The following LARGE1 variants were observed in gnomAD, a reference collection of about 807,000 sequenced individuals.
LARGE1 encodes the protein LARGE xylosyl- and glucuronyltransferase 1.
LARGE1 carries 43 observed loss-of-function variants against 87.6 expected under a neutral mutation model. The ratio of observed to expected loss-of-function variants is 0.49; its 90% confidence interval spans 0.38 to 0.63. The LOEUF (loss-of-function observed/expected upper bound fraction) is 0.63. LARGE1 is among the 30% of genes least tolerant of loss of function. LARGE1 has a pLI of 0.00. For synonymous variants in LARGE1, 434 were observed against 394.6 expected (o/e 1.10, Z -1.18); for missense variants, 802 against 1,000.2 (o/e 0.80, Z 2.67).
downstream of LARGE1, among the ~76,000 whole-genome samples, chr22:33,269,577 T>G (rs2145775525): frequency 6.6e-6 from 1 of 152,342 alleles, no homozygotes. Flanking sequence ...AAAGCTTTGC[T>G]CTCAGTGAGC....
chr22:33,791,420 T>C (rs1016614590), intron 1 of LARGE1, among the ~76,000 whole-genome samples: 6 of 152,180 alleles, frequency 3.9e-5, no homozygotes, highest in Admixed American at 3.9e-4. Context: ...GGGAACTGAG[T>C]CATATTACAA....
intron 6 of LARGE1, among the ~76,000 whole-genome samples, chr22:33,471,831 T>TAGACCAGCCTGGCCAAG (rs909117866): frequency 1.3e-5 from 2 of 152,114 alleles, no homozygotes; most frequent in African/African-American, 2.4e-5. Flanking sequence ...TCAGGAGTTC[T>TAGACCAGCCTGGCCAAG]AGACCAGCCT....
chr22:33,431,801 C>A (rs569428960), intron 7 of LARGE1, among the ~76,000 whole-genome samples: 9 of 152,134 alleles, frequency 5.9e-5, no homozygotes, highest in Admixed American at 6.6e-5. Flanking sequence ...AAGTACATAT[C>A]CGTTGTGTTA....
intron 2 of LARGE1, among the ~76,000 whole-genome samples, chr22:33,735,840 C>G (rs2083636657): frequency 6.6e-6 from 1 of 152,182 alleles, no homozygotes; most frequent in African/African-American, 2.4e-5. Context: ...TACTTTCTAT[C>G]TCTATGGACT....
At chr22:33,806,211 G>A (rs2086304848) in intron 1 of LARGE1, among the ~76,000 whole-genome samples, 2 of 152,086 alleles carry the variant, frequency 1.3e-5, no homozygotes, top group Admixed American at 6.6e-5. Context: ...TCTTGTATCT[G>A]ACTTCTTTCT....
chr22:33,103,163 T>C, the LARGE1 span, among the ~76,000 whole-genome samples: 3 of 151,922 alleles, frequency 2.0e-5, no homozygotes, highest in African/African-American at 7.2e-5. Flanking sequence ...GCCGGGTGCG[T>C]TGGCTCACGC....
At chr22:33,782,735 C>T (rs888898196) in intron 1 of LARGE1, among the ~76,000 whole-genome samples, 2 of 151,664 alleles carry the variant, frequency 1.3e-5, no homozygotes, top group South Asian at 4.2e-4. Context: ...CGTGGTGGTG[C>T]GTGCCTGTAA....
At chr22:33,318,773 G>A (rs1219315302) in intron 10 of LARGE1, among the ~76,000 whole-genome samples, 1 of 151,252 alleles carries the variant, frequency 6.6e-6, no homozygotes, top group East Asian at 1.9e-4. Context: ...TTTGCCAAAG[G>A]TCACAGGAGG....
chr22:33,535,910 C>A (rs922728470), intron 6 of LARGE1, among the ~76,000 whole-genome samples: 3 of 152,192 alleles, frequency 2.0e-5, no homozygotes, highest in Non-Finnish European at 4.4e-5. Context: ...GTGAACTACG[C>A]CTTCTTTTAT....
At chr22:33,796,634 C>T (rs2267287) in intron 1 of LARGE1, among the ~76,000 whole-genome samples, 11,049 of 152,142 alleles carry the variant, frequency 0.073, 517 homozygotes, top group Admixed American at 0.11. Context: ...CATACCAACA[C>T]ACCATTAAAG....
chr22:33,466,080 TAAC>T (rs904620604), intron 6 of LARGE1, among the ~76,000 whole-genome samples: 1 of 152,158 alleles, frequency 6.6e-6, no homozygotes, highest in African/African-American at 2.4e-5. Context: ...CCTAATTTCA[TAAC>T]ACCACCTGTC....
At chr22:33,468,106 T>C (rs1350002631) in intron 6 of LARGE1, among the ~76,000 whole-genome samples, 1 of 152,178 alleles carries the variant, frequency 6.6e-6, no homozygotes, top group African/African-American at 2.4e-5. Context: ...ATCAACAGCG[T>C]TGATGAGCGC....
intron 1 of LARGE1, among the ~76,000 whole-genome samples, chr22:33,773,765 A>G (rs1244298966): frequency 8.5e-5 from 13 of 152,350 alleles, no homozygotes; most frequent in African/African-American, 2.9e-4. Flanking sequence ...GGGAAAGCCC[A>G]TGGCAATATC....
intron 7 of LARGE1, among the ~76,000 whole-genome samples, chr22:33,403,729 G>A (rs867210962): frequency 7.2e-5 from 11 of 151,826 alleles, no homozygotes; most frequent in Non-Finnish European, 1.5e-4. Flanking sequence ...TCAGCCTCCC[G>A]AGTAGCTGGG....
the LARGE1 span, among the ~76,000 whole-genome samples, chr22:33,107,317 C>T: frequency 1.7e-4 from 25 of 149,756 alleles, no homozygotes; most frequent in Middle Eastern, 3.5e-3. Flanking sequence ...TAATCCCAGC[C>T]CTTTGGGAGG....
intron 1 of LARGE1, among the ~76,000 whole-genome samples, chr22:33,874,820 G>A (rs1179972762): frequency 6.6e-6 from 1 of 152,160 alleles, no homozygotes; most frequent in Admixed American, 6.5e-5. Context: ...AACTGACTCT[G>A]CCAACATTAT....
the LARGE1 span, among the ~76,000 whole-genome samples, chr22:33,075,896 G>A: frequency 1.3e-5 from 2 of 152,124 alleles, no homozygotes; most frequent in Non-Finnish European, 2.9e-5. Flanking sequence ...CAGATAAGAC[G>A]ATGTCATGCA....
At chr22:33,164,251 C>T (rs1922147210) in exon 12 of LARGE1, 5 of 152,172 alleles carry the variant, frequency 3.3e-5, no homozygotes, top group Admixed American at 3.3e-4. Flanking sequence ...TTCGCTTTGT[C>T]TGTTTTATCA....
At chr22:33,356,142 C>T (rs1464819441) in intron 9 of LARGE1, among the ~76,000 whole-genome samples, 1 of 152,222 alleles carries the variant, frequency 6.6e-6, no homozygotes, top group Admixed American at 6.5e-5. Flanking sequence ...AGAGACATCA[C>T]TTTGCTTCTA....
Sources: gnomAD v4.1 joint callset for allele counts (sites outside exome capture counted in the v4.1 genomes callset) on GRCh38, gnomAD v4.1.1 for gene constraint, MANE v1.5 for transcripts, NCBI Gene and HGNC (gene_info 2026-07-23, HGNC 2026-07-21) for gene names.